Variants in SLC24A2 observed in about 807,000 individuals in gnomAD.
SLC24A2 encodes the protein sodium/potassium/calcium exchanger 2.
In SLC24A2, 36 loss-of-function variants were observed where a neutral mutation model predicts 62.0. The ratio of observed to expected loss-of-function variants is 0.58; its 90% CI spans 0.44 to 0.77. SLC24A2 has a LOEUF of 0.77. Among genes scored for constraint, SLC24A2 ranks in the 30% least tolerant of loss-of-function variants. SLC24A2 has a pLI of 0.00. For missense variants in SLC24A2, 846 were observed against 817.9 expected (o/e 1.03, Z -0.42); for synonymous variants, 358 against 294.0 (o/e 1.22, Z -2.23).
intron 2 of SLC24A2, among the ~76,000 whole-genome samples, chr9:19,643,338 T>A (rs1818557347): frequency 6.6e-6 from 1 of 152,228 alleles, no homozygotes; most frequent in Non-Finnish European, 1.5e-5. Context: ...TCATGTTTTT[T>A]AAAATTAATC....
At chr9:20,258,861 T>G in the SLC24A2 span, among the ~76,000 whole-genome samples, 1 of 142,284 alleles carries the variant, frequency 7.0e-6, no homozygotes, top group Non-Finnish European at 1.5e-5. Context: ...ATCTAATGTC[T>G]ATCTATCCAT....
At chr9:19,824,841 TA>T in the SLC24A2 span, among the ~76,000 whole-genome samples, 3 of 152,170 alleles carry the variant, frequency 2.0e-5, no homozygotes, top group Admixed American at 2.0e-4. Context: ...TATGCAGCCA[TA>T]AAAAAAGATG....
At chr9:20,245,289 T>G in the SLC24A2 span, among the ~76,000 whole-genome samples, 1 of 152,174 alleles carries the variant, frequency 6.6e-6, no homozygotes, top group Non-Finnish European at 1.5e-5. Context: ...ACGGGTTACC[T>G]ATGAAGGAGC....
chr9:20,265,326 G>A, the SLC24A2 span, among the ~76,000 whole-genome samples: 5 of 152,162 alleles, frequency 3.3e-5, no homozygotes, highest in South Asian at 2.1e-4. Context: ...GAGTTGTTGC[G>A]GGAAGTCAGG....
At chr9:20,222,904 G>A in the SLC24A2 span, among the ~76,000 whole-genome samples, 1 of 151,910 alleles carries the variant, frequency 6.6e-6, no homozygotes, top group Non-Finnish European at 1.5e-5. Context: ...CTTTAATACG[G>A]TAATGAAGTC....
chr9:19,688,120 G>A (rs1564038838), intron 2 of SLC24A2, among the ~76,000 whole-genome samples: 1 of 152,066 alleles, frequency 6.6e-6, no homozygotes, highest in Non-Finnish European at 1.5e-5. Flanking sequence ...TCAGCTTGTA[G>A]CTTGTATAAA....
the SLC24A2 span, among the ~76,000 whole-genome samples, chr9:19,908,564 G>A: frequency 1.8e-4 from 28 of 152,216 alleles, no homozygotes; most frequent in African/African-American, 6.7e-4. Context: ...CAGAATGAGA[G>A]AAAATTTTTG....
the SLC24A2 span, among the ~76,000 whole-genome samples, chr9:19,833,789 C>T: frequency 6.6e-6 from 1 of 152,230 alleles, no homozygotes; most frequent in Non-Finnish European, 1.5e-5. Context: ...TCAAGTTGGT[C>T]CCTGACCCCC....
At chr9:19,736,900 T>C (rs1052675020) in intron 2 of SLC24A2, among the ~76,000 whole-genome samples, 2 of 152,184 alleles carry the variant, frequency 1.3e-5, no homozygotes, top group African/African-American at 4.8e-5. Flanking sequence ...CATGATGATG[T>C]AATAATTCTC....
the SLC24A2 span, among the ~76,000 whole-genome samples, chr9:20,031,722 G>A: frequency 7.9e-5 from 12 of 152,080 alleles, no homozygotes; most frequent in African/African-American, 2.7e-4. Flanking sequence ...GGTCCCCAGG[G>A]ATAGAACTCC....
At chr9:20,125,613 C>T in the SLC24A2 span, among the ~76,000 whole-genome samples, 1 of 152,212 alleles carries the variant, frequency 6.6e-6, no homozygotes, top group Non-Finnish European at 1.5e-5. Context: ...CCCCTCATTC[C>T]ACTGGGCCCA....
the SLC24A2 span, among the ~76,000 whole-genome samples, chr9:19,818,288 C>T: frequency 2.9e-4 from 44 of 152,204 alleles, 1 homozygote; most frequent in African/African-American, 9.6e-4. Flanking sequence ...ATTTGTGTGG[C>T]TAGCTAGGAG....
the SLC24A2 span, among the ~76,000 whole-genome samples, chr9:19,904,356 C>A: frequency 2.0e-5 from 3 of 152,156 alleles, no homozygotes; most frequent in Non-Finnish European, 4.4e-5. Context: ...CCCTCTGTAG[C>A]CATGTGCTCT....
chr9:19,601,706 G>T (rs1291971677), intron 4 of SLC24A2, among the ~76,000 whole-genome samples: 2 of 151,976 alleles, frequency 1.3e-5, no homozygotes, highest in Non-Finnish European at 2.9e-5. Flanking sequence ...TAGCATGAGG[G>T]TTGCATATAT....
intron 2 of SLC24A2, among the ~76,000 whole-genome samples, chr9:19,624,341 G>A (rs566603141): frequency 6.6e-6 from 1 of 152,066 alleles, no homozygotes; most frequent in Non-Finnish European, 1.5e-5. Flanking sequence ...ATGAAAGCAG[G>A]GAGAGAAAAA....
the SLC24A2 span, among the ~76,000 whole-genome samples, chr9:20,182,541 A>T: frequency 2.0e-5 from 3 of 152,234 alleles, no homozygotes; most frequent in African/African-American, 7.2e-5. Flanking sequence ...AAGGACAGGA[A>T]ACCAAACACT....
chr9:19,567,765 T>C (rs1324424290), intron 7 of SLC24A2, among the ~76,000 whole-genome samples: 1 of 151,474 alleles, frequency 6.6e-6, no homozygotes, highest in African/African-American at 2.4e-5. Flanking sequence ...AGTGTTGGAA[T>C]CAACAACAAT....
At chr9:20,170,129 G>C in the SLC24A2 span, among the ~76,000 whole-genome samples, 1 of 130,472 alleles carries the variant, frequency 7.7e-6, no homozygotes, top group Non-Finnish European at 1.6e-5. Context: ...ATCCAACAAA[G>C]ACAAAAAGAA....
chr9:20,084,143 A>T, the SLC24A2 span, among the ~76,000 whole-genome samples: 1 of 152,224 alleles, frequency 6.6e-6, no homozygotes, highest in Non-Finnish European at 1.5e-5. Context: ...AGAAGCCTGT[A>T]ACTCACTTAA....
Sources: gnomAD v4.1 joint callset for allele counts (sites outside exome capture counted in the v4.1 genomes callset) on GRCh38, gnomAD v4.1.1 for gene constraint, MANE v1.5 for transcripts, NCBI Gene and HGNC (gene_info 2026-07-23, HGNC 2026-07-21) for gene names.